The following WWP1 variants were observed in gnomAD, a reference collection of about 807,000 sequenced individuals.
The protein encoded by WWP1 is NEDD4-like E3 ubiquitin-protein ligase WWP1.
In WWP1, 49 loss-of-function variants were observed where a neutral mutation model predicts 130.6. The ratio of observed to expected loss-of-function variants is 0.38; its 90% CI spans 0.30 to 0.48. WWP1 has a LOEUF of 0.48. Ranked by LOEUF, WWP1 falls within the 20% of genes least tolerant of loss-of-function variation. WWP1 has a pLI of 0.99. For missense variants in WWP1, 809 were observed against 1,100.6 expected, an observed-to-expected ratio of 0.74 and a Z score of 3.75; for synonymous variants, 332 against 367.8, an observed-to-expected ratio of 0.90 and a Z score of 1.11.
intron 2 of WWP1, among the ~76,000 whole-genome samples, chr8:86,369,261 ATCTTT>A (rs1274303606): frequency 6.6e-6 from 1 of 152,158 alleles, no homozygotes; most frequent in Non-Finnish European, 1.5e-5. Context: ...ACAGTACCTT[ATCTTT>A]TAAGTGTCAT....
chr8:86,408,005 A>G (rs1808374934), intron 8 of WWP1, among the ~76,000 whole-genome samples: 1 of 152,202 alleles, frequency 6.6e-6, no homozygotes, highest in African/African-American at 2.4e-5. Context: ...ACACACCATT[A>G]CAGTATCATA....
At position 86,439,342 on chromosome 8, in the gene WWP1, C is replaced by CAAAAAAAA. The variant is rs59635746; in HGVS notation, c.1838+677_1838+684dup. ...TGGGTGATGGAGCAAGACGCTGTGT[C>CAAAAAAAA]AAAAAAAAAAAAAAAGTTTTTAAAG... is the stretch of plus-strand genomic sequence containing the variant. On this transcript the variant is annotated intron_variant, in intron 17 of 24. Transcript: ENST00000517970. 2.4e-3 allele frequency among the ~76,000 whole-genome samples: 308 copies of CAAAAAAAA among 127,016 alleles called. 1 individual carries two copies. Among genetic ancestry groups the CAAAAAAAA allele is most frequent in the African/African-American group, 6.0e-3 (202 of 33,814 alleles). The allele number at this position is 127,016 out of a possible 152,430, so 83.3% of individuals were successfully genotyped here.
intron 1 of WWP1, among the ~76,000 whole-genome samples, chr8:86,368,517 C>A (rs1824102193): frequency 6.6e-6 from 1 of 152,138 alleles, no homozygotes; most frequent in African/African-American, 2.4e-5. Context: ...AGCTCACTAT[C>A]TTAAATCTAA....
At chr8:86,368,852 T>A (rs915282104) in intron 1 of WWP1, 87 bp from the exon 2 acceptor site, 1 of 152,220 alleles carries the variant, frequency 6.6e-6, no homozygotes, top group African/African-American at 2.4e-5. Flanking sequence ...GATTATCTAC[T>A]TTCTCTTGTG....
At chr8:86,397,441 C>T (rs1807740773) in intron 5 of WWP1, among the ~76,000 whole-genome samples, 1 of 151,054 alleles carries the variant, frequency 6.6e-6, no homozygotes, top group African/African-American at 2.4e-5. Flanking sequence ...ACCTCAAATA[C>T]TTATTTTTTT....
At chr8:86,412,543 A>G (rs1003415976) in intron 9 of WWP1, among the ~76,000 whole-genome samples, 1 of 152,230 alleles carries the variant, frequency 6.6e-6, no homozygotes, top group Non-Finnish European at 1.5e-5. Flanking sequence ...TACAGTATAT[A>G]CAGTACAGTC....
chr8:86,440,533 T>C, intron 17 of WWP1: 1 of 349,720 alleles, frequency 2.9e-6, no homozygotes, highest in Admixed American at 3.8e-5. Context: ...GCCAGCCCCT[T>C]GTAAGAACCT....
intron 8 of WWP1, among the ~76,000 whole-genome samples, chr8:86,405,866 A>G (rs968968816): frequency 1.3e-5 from 2 of 152,084 alleles, no homozygotes; most frequent in Admixed American, 6.6e-5. Flanking sequence ...AAAGTTATGA[A>G]TTCTGGAACA....
intron 8 of WWP1, among the ~76,000 whole-genome samples, chr8:86,408,311 A>G (rs12543887): frequency 0.32 from 48,201 of 152,100 alleles, 9,184 homozygotes; most frequent in Middle Eastern, 0.45. Context: ...AAACATTGCT[A>G]TATACATTTG....
chr8:86,411,505 T>C (rs752012409), intron 8 of WWP1, 33 bp from the exon 9 acceptor site: 1 of 1,573,058 alleles, frequency 6.4e-7, no homozygotes, highest in Non-Finnish European at 8.7e-7. Flanking sequence ...TATCATTACT[T>C]GATAGATGAT....
At chr8:86,448,325 A>T in intron 19 of WWP1, 44 bp downstream of exon 19, 1 of 1,584,026 alleles carries the variant, frequency 6.3e-7, no homozygotes, top group Non-Finnish European at 8.5e-7. Context: ...TTTGAAACCC[A>T]TTTTGTTTCA....
At chr8:86,409,749 T>C (rs1479772746) in intron 8 of WWP1, among the ~76,000 whole-genome samples, 2 of 151,776 alleles carry the variant, frequency 1.3e-5, no homozygotes, top group South Asian at 2.1e-4. Context: ...TAATCCCGGC[T>C]ACTGGGGGGC....
At chr8:86,453,830 G>A (rs1234841144) in intron 21 of WWP1, among the ~76,000 whole-genome samples, 2 of 152,014 alleles carry the variant, frequency 1.3e-5, no homozygotes, top group Non-Finnish European at 2.9e-5. Context: ...ATTTTCTAAA[G>A]CTTATTTTCC....
Position 86,442,732 on chromosome 8 carries a change from C to T in WWP1, c.1952C>T (p.Pro651Leu). The part of the protein sequence containing the change: ...LQINPASTIN[P>L]DHLSYFCFIG... The stretch of plus-strand genomic sequence containing the variant: ...ATAAATCCAGCATCAACCATTAATC[C>T]AGACCATCTTTCATACTTCTGTTTC... Residue 651 changes from proline to leucine, a missense_variant, in exon 18 of 25, where the codon CCA (proline) becomes CTA (leucine). Pro to Leu is a moderately conservative substitution (Grantham distance 98). Around this residue, in one of 3 missense-constraint regions of WWP1, gnomAD observed 450 missense variants for 674.2 expected, o/e 0.67. Transcript: ENST00000517970. 1 of 1,612,008 alleles carries T rather than the reference C, an allele frequency of 6.2e-7. No individual in the cohort carries two copies. The highest frequency in any genetic ancestry group is 8.5e-7 in the Non-Finnish European group (1 of 1,179,304).
intron 3 of WWP1, among the ~76,000 whole-genome samples, chr8:86,376,579 GAAAGAAAAAGA>G (rs932121362): frequency 8.6e-5 from 13 of 150,392 alleles, no homozygotes; most frequent in East Asian, 1.9e-4. Context: ...AAAAAAAAAA[GAAAGAAAAAGA>G]AAAGAAAAAG....
At chr8:86,451,650 A>C (rs1811184815) in intron 20 of WWP1, among the ~76,000 whole-genome samples, 1 of 152,182 alleles carries the variant, frequency 6.6e-6, no homozygotes, top group Non-Finnish European at 1.5e-5. Flanking sequence ...CAGCCTTAGA[A>C]AAGCATAAGG....
At chr8:86,371,773 T>C (rs1228615516) in intron 2 of WWP1, among the ~76,000 whole-genome samples, 1 of 152,204 alleles carries the variant, frequency 6.6e-6, no homozygotes, top group Admixed American at 6.5e-5. Context: ...GTTTCTGGCA[T>C]ATCTTTTCAT....
At chr8:86,354,967 A>AT (rs1823171615) in intron 1 of WWP1, among the ~76,000 whole-genome samples, 1 of 152,102 alleles carries the variant, frequency 6.6e-6, no homozygotes, top group African/African-American at 2.4e-5. Context: ...TCACAATACT[A>AT]TATTAATTTG....
chr8:86,405,440 C>T (rs1175383334), intron 8 of WWP1, among the ~76,000 whole-genome samples: 3 of 149,914 alleles, frequency 2.0e-5, no homozygotes, highest in Non-Finnish European at 2.9e-5. Flanking sequence ...CTCTACATTT[C>T]GCTGCAGAAA....
Sources: gnomAD v4.1 joint callset for allele counts (sites outside exome capture counted in the v4.1 genomes callset) on GRCh38, gnomAD v4.1.1 for gene constraint, gnomAD v4.1.1 regional missense constraint, MANE v1.5 for transcripts, NCBI Gene and HGNC (gene_info 2026-07-23, HGNC 2026-07-21) for gene names.